Variants in HBS1L observed in about 807,000 individuals in gnomAD.
HBS1L encodes HBS1-like protein.
HBS1L carries 55 observed loss-of-function variants against 88.9 expected under a neutral mutation model. The observed-to-expected ratio is 0.62, with a 90% CI of 0.50 to 0.77. The LOEUF is 0.77. HBS1L is among the 30% of genes least tolerant of loss of function. The pLI is 0.00. For missense variants in HBS1L, 741 were observed against 829.3 expected, an observed-to-expected ratio of 0.89 and a Z score of 1.31; for synonymous variants, 267 against 288.5, an observed-to-expected ratio of 0.93 and a Z score of 0.76.
chr6:134,992,936 G>C (rs1228282985), intron 8 of HBS1L, among the ~76,000 whole-genome samples: 1 of 152,118 alleles, frequency 6.6e-6, no homozygotes, highest in Non-Finnish European at 1.5e-5. Context: ...TTCATGGTAA[G>C]TGCCCTATAC....
At chr6:135,037,945 C>G in intron 4 of HBS1L, 2 of 1,546,212 alleles carry the variant, frequency 1.3e-6, no homozygotes, top group Non-Finnish European at 1.7e-6. Flanking sequence ...GGGTTTGCTA[C>G]TATAATCCAA....
At chr6:135,010,211 C>T (rs754844912) in intron 4 of HBS1L, among the ~76,000 whole-genome samples, 2 of 152,120 alleles carry the variant, frequency 1.3e-5, no homozygotes, top group Non-Finnish European at 2.9e-5. Context: ...ATCCAAGGCT[C>T]GGCCACCAGA....
intron 4 of HBS1L, chr6:135,037,378 G>A (rs1776588029): frequency 6.4e-7 from 1 of 1,551,208 alleles, no homozygotes; most frequent in Non-Finnish European, 8.7e-7. Context: ...ATTTTTAAAA[G>A]TGTGATTCTT....
chr6:134,988,456 A>C (rs1300806479), intron 8 of HBS1L, among the ~76,000 whole-genome samples: 1 of 150,270 alleles, frequency 6.7e-6, no homozygotes, highest in African/African-American at 2.5e-5. Flanking sequence ...AAAAAAAAAA[A>C]CATAAAAAAC....
At chr6:135,048,433 G>A (rs1432434469) in intron 2 of HBS1L, among the ~76,000 whole-genome samples, 3 of 152,148 alleles carry the variant, frequency 2.0e-5, no homozygotes, top group African/African-American at 4.8e-5. Context: ...ACCTTCTGAG[G>A]CACCAGCATC....
chr6:135,009,273 A>C (rs1775700450), intron 4 of HBS1L, among the ~76,000 whole-genome samples: 1 of 152,208 alleles, frequency 6.6e-6, no homozygotes, highest in Non-Finnish European at 1.5e-5. Flanking sequence ...TGCTATTATC[A>C]AAAAGTGTAT....
chr6:135,041,599 G>GT (rs1461533804), intron 3 of HBS1L, among the ~76,000 whole-genome samples: 2 of 151,654 alleles, frequency 1.3e-5, no homozygotes, highest in Admixed American at 1.3e-4. Flanking sequence ...ACTTCAACTG[G>GT]TTTTTTTTGA....
intron 2 of HBS1L, among the ~76,000 whole-genome samples, chr6:135,046,919 T>C (rs988623791): frequency 6.6e-6 from 1 of 152,066 alleles, no homozygotes; most frequent in Admixed American, 6.5e-5. Flanking sequence ...AGTAAGTTTC[T>C]TATCTGATGT....
In HBS1L at chr6:134,964,300, T is replaced by C. The variant is rs1358076189; in HGVS notation, c.*979A>G. On this transcript the variant is annotated 3_prime_UTR_variant, in exon 18 of 18. Coordinates refer to ENST00000367837, the MANE Select transcript of HBS1L (RefSeq NM_006620.4). ...CAGAAGGCACCTCAACGAATACCTG[T>C]TGTTAAATAAATAAACCTTGGGGTT... The C allele has an allele frequency of 6.6e-6, 1 of 152,228 alleles. No individual in the cohort carries two copies. The highest frequency in any genetic ancestry group is 1.5e-5 in the Non-Finnish European group (1 of 68,038). The allele number at this position is 152,228 out of a possible 1,614,324, so 9.4% of individuals were successfully genotyped here.
chr6:135,021,550 T>C (rs1776070827), intron 4 of HBS1L, among the ~76,000 whole-genome samples: 2 of 152,186 alleles, frequency 1.3e-5, no homozygotes, highest in South Asian at 4.1e-4. Flanking sequence ...ATGACAAGTC[T>C]CGGTTAAATA....
chr6:134,964,755 C>T lies in HBS1L; in HGVS notation c.*524G>A, dbSNP rs1329523582. 1 of 141,956 alleles carries T rather than the reference C, an allele frequency of 7.0e-6. No individual in the cohort carries two copies. The highest frequency in any genetic ancestry group is 1.5e-5 in the Non-Finnish European group (1 of 66,148). 8.8% of individuals were successfully genotyped at this position (141,956 alleles called of 1,614,324 possible). ...ACAAGTTTACTTGTTTGGGGAGGGA[C>T]ATTCTTATGGTCACCACAAAATACT... is the stretch of plus-strand genomic sequence containing the variant. On this transcript the variant is annotated 3_prime_UTR_variant, in exon 18 of 18. Transcript: ENST00000367837.
At chr6:135,001,776 T>C (rs1040035020) in intron 5 of HBS1L, among the ~76,000 whole-genome samples, 1 of 152,200 alleles carries the variant, frequency 6.6e-6, no homozygotes, top group East Asian at 1.9e-4. Flanking sequence ...ATCTAGTGAA[T>C]AAAGTCTTGT....
At chr6:135,027,212 A>T (rs893219996) in intron 4 of HBS1L, 1 of 128,842 alleles carries the variant, frequency 7.8e-6, no homozygotes, top group Non-Finnish European at 1.6e-5. Flanking sequence ...AAAAAAAAAA[A>T]AAAAGAAAAG....
At chr6:135,011,079 T>C (rs947996776) in intron 4 of HBS1L, among the ~76,000 whole-genome samples, 3 of 152,320 alleles carry the variant, frequency 2.0e-5, no homozygotes, top group African/African-American at 2.4e-5. Context: ...CACTGGCAAT[T>C]CATTTGGAGA....
intron 4 of HBS1L, among the ~76,000 whole-genome samples, chr6:135,034,443 A>T (rs1234787462): frequency 6.6e-6 from 1 of 152,220 alleles, no homozygotes; most frequent in African/African-American, 2.4e-5. Context: ...CAGGAGTTTG[A>T]GATCAGCCTG....
At chr6:134,986,877 G>T in intron 9 of HBS1L, 67 bp from the exon 10 acceptor site, 1 of 687,708 alleles carries the variant, frequency 1.5e-6, no homozygotes, top group Non-Finnish European at 2.3e-6. Flanking sequence ...TTAAATTTCT[G>T]CAATGAAATA....
chr6:135,002,551 G>C (rs1325513048), intron 5 of HBS1L, 183 bp downstream of exon 5: 8 of 450,606 alleles, frequency 1.8e-5, no homozygotes, highest in African/African-American at 1.2e-4. Context: ...CACAAGATAA[G>C]GCCAGAATCA....
chr6:134,990,984 A>G (rs1442453975), intron 8 of HBS1L, among the ~76,000 whole-genome samples: 1 of 151,902 alleles, frequency 6.6e-6, no homozygotes, highest in Admixed American at 6.6e-5. Context: ...GCATTCCCAC[A>G]CTGCTACCCC....
intron 4 of HBS1L, among the ~76,000 whole-genome samples, chr6:135,008,723 C>T (rs1171333330): frequency 2.0e-5 from 3 of 151,852 alleles, no homozygotes; most frequent in Admixed American, 1.3e-4. Context: ...TTTAATGAAA[C>T]CTTCTGCTTG....
Sources: gnomAD v4.1 joint callset for allele counts (sites outside exome capture counted in the v4.1 genomes callset) on GRCh38, gnomAD v4.1.1 for gene constraint, MANE v1.5 for transcripts, NCBI Gene and HGNC (gene_info 2026-07-23, HGNC 2026-07-21) for gene names.